Variants in PSMA8 observed in about 807,000 individuals in gnomAD.
PSMA8 encodes proteasome 20S subunit alpha 8.
PSMA8 carries 18 observed loss-of-function variants against 32.4 expected under a neutral mutation model. That is an observed-to-expected ratio of 0.56 (90% CI 0.38 to 0.82). PSMA8 has a LOEUF of 0.82. Among genes scored for constraint, PSMA8 ranks in the 40% least tolerant of loss-of-function variants. The probability of loss-of-function intolerance (pLI) is 0.00; values close to 1 mark genes in which losing one functional copy is unlikely to be tolerated. For missense variants in PSMA8, 298 were observed against 300.7 expected (o/e 0.99, Z 0.07); for synonymous variants, 104 against 98.1 (o/e 1.06, Z -0.36).
chr18:26,162,641 A>G (rs2055144698), intron 4 of PSMA8, among the ~76,000 whole-genome samples: 1 of 152,078 alleles, frequency 6.6e-6, no homozygotes, highest in African/African-American at 2.4e-5. Flanking sequence ...CGAGGTGGGC[A>G]GATCACAAGG....
intron 6 of PSMA8, among the ~76,000 whole-genome samples, chr18:26,190,884 G>A (rs1367233651): frequency 2.0e-5 from 3 of 152,132 alleles, no homozygotes; most frequent in Non-Finnish European, 4.4e-5. Flanking sequence ...ACTAAACTGT[G>A]GACTCCTTAA....
chr18:26,152,056 TAC>T (rs1162055259), intron 3 of PSMA8, 74 bp downstream of exon 3: 1 of 1,162,300 alleles, frequency 8.6e-7, no homozygotes, highest in African/African-American at 1.6e-5. Flanking sequence ...ATAGAAGTAC[TAC>T]AGTTACTCCA....
rs767457561 is a variant in PSMA8 at position 26,144,588 on chromosome 18, T to C, written c.132T>C (p.Val44=). 1.1e-5 allele frequency: 18 copies of C among 1,613,468 alleles called. No homozygotes were observed. The highest frequency in any genetic ancestry group is 1.5e-5 in the Non-Finnish European group (18 of 1,179,564). The change falls in exon 2 of 7, where the codon GTT becomes GTC. Residue 44 remains valine (V), a synonymous_variant. Transcript: ENST00000415576. ...GAATTCGAGGTACCAATATAGTTGT[T>C]CTTGGGGTAGAAAAAAAATCTGTTG... ...AVGIRGTNIV[V]LGVEKKSVAK...
intron 4 of PSMA8, chr18:26,170,874 C>G: frequency 6.4e-7 from 1 of 1,559,416 alleles, no homozygotes; most frequent in Non-Finnish European, 8.5e-7. Flanking sequence ...TTGCATGATC[C>G]TTGTCACAAA....
chr18:26,171,801 C>T (rs988483063), intron 4 of PSMA8, among the ~76,000 whole-genome samples: 20 of 152,158 alleles, frequency 1.3e-4, no homozygotes, highest in Non-Finnish European at 2.5e-4. Context: ...ACACTACTTA[C>T]ATACTAATAA....
intron 3 of PSMA8, 27 bp downstream of exon 3, chr18:26,152,009 T>C: frequency 7.0e-6 from 11 of 1,569,522 alleles, no homozygotes; most frequent in Non-Finnish European, 9.5e-6. Flanking sequence ...ACATACTTTG[T>C]TAAGCTTTCT....
chr18:26,156,673 T>A (rs1219701177), intron 3 of PSMA8, among the ~76,000 whole-genome samples: 1 of 142,568 alleles, frequency 7.0e-6, no homozygotes, highest in African/African-American at 2.5e-5. Flanking sequence ...TATAATAATG[T>A]GTGTGTATAT....
At position 26,187,352 on chromosome 18, in the gene PSMA8, A is replaced by C. The variant is rs149465323; in HGVS notation, c.661-4967A>C. ...ACAGAGCAAGAGTCTGCTTCAAAAA[A>C]AGTGAGGTCTGAGCAGTGGCTCACA... On this transcript the variant is annotated intron_variant, in intron 6 of 6. Coordinates refer to ENST00000415576, the MANE Select transcript of PSMA8 (RefSeq NM_001025096.2). Among the ~76,000 whole-genome samples, 105 of 152,264 alleles carry C rather than the reference A, an allele frequency of 6.9e-4. No individual in the cohort carries two copies. The East Asian group carries it at 0.014, about 20-fold the overall frequency.
intron 4 of PSMA8, 146 bp from the exon 5 acceptor site, chr18:26,178,684 T>C: frequency 1.5e-6 from 1 of 678,540 alleles, no homozygotes; most frequent in Non-Finnish European, 2.4e-6. Context: ...TACTGAAATG[T>C]TTGCTATGTT....
intron 6 of PSMA8, among the ~76,000 whole-genome samples, chr18:26,181,683 G>A (rs147178201): frequency 2.1e-4 from 32 of 152,350 alleles, no homozygotes; most frequent in Non-Finnish European, 4.3e-4. Context: ...AAGGGAACAC[G>A]TGAATGATAA....
intron 3 of PSMA8, among the ~76,000 whole-genome samples, chr18:26,157,753 C>T (rs1213294878): frequency 6.6e-6 from 1 of 152,006 alleles, no homozygotes; most frequent in East Asian, 1.9e-4. Flanking sequence ...CAAGGTAAGC[C>T]GAGGACATGT....
Position 26,138,010 on chromosome 18 carries a change from T to G in PSMA8, c.102+3943T>G, listed in dbSNP as rs1377889159. Among the ~76,000 whole-genome samples the G allele has an allele frequency of 3.9e-5, 6 of 152,190 alleles. No individual in the cohort carries two copies. In the East Asian group the frequency reaches 1.2e-3, roughly 29 times the overall value. ...AAAAGGACAGCTATGTTCTGTCAAC[T>G]GAAAGGCATTCAGAATTGTTGAAGC... On this transcript the variant is annotated intron_variant, in intron 1 of 6. Coordinates refer to ENST00000415576, the MANE Select transcript of PSMA8 (RefSeq NM_001025096.2).
rs772646755 is a variant in PSMA8, at chr18:26,144,635, C to G, written c.179C>G (p.Thr60Ser). The G allele has an allele frequency of 1.7e-5, 27 of 1,613,874 alleles. No individual in the cohort carries two copies. Among genetic ancestry groups the G allele is most frequent in the Admixed American group, 5.0e-5 (3 of 60,006 alleles). The change falls in exon 2 of 7, where the codon ACT (threonine) becomes AGT (serine). Residue 60 changes from threonine to serine, a missense_variant. By Grantham distance (58) the Thr-to-Ser change is moderately conservative. Coordinates refer to ENST00000415576, the MANE Select transcript of PSMA8 (RefSeq NM_001025096.2). ...GTTGCCAAGCTTCAAGATGAAAGAACTGTGAGGAAAATTTGTGCCCTTGAT... is the reference window on the plus strand; with the variant it reads ...GTTGCCAAGCTTCAAGATGAAAGAAGTGTGAGGAAAATTTGTGCCCTTGAT... Reference protein sequence around the residue: ...KSVAKLQDERTVRKICALDDH... With the variant: ...KSVAKLQDERSVRKICALDDH...
rs553142048 is a variant in PSMA8, at chr18:26,149,220, A to T, written c.230-2638A>T. On this transcript the variant is annotated intron_variant, in intron 2 of 6. Transcript: ENST00000415576. ...AACAATTCCATGTCAATAGCATCAA[A>T]AAGAATAAAATACTTATTGGGAATG... Among the ~76,000 whole-genome samples, 465 of 152,324 alleles carry T rather than the reference A, an allele frequency of 3.1e-3. 2 individuals carry two copies. The highest frequency in any genetic ancestry group is 0.011 in the African/African-American group (444 of 41,570).
chr18:26,138,445 A>C (rs1231117714), intron 1 of PSMA8, among the ~76,000 whole-genome samples: 1 of 152,186 alleles, frequency 6.6e-6, no homozygotes, highest in African/African-American at 2.4e-5. Flanking sequence ...TAGGAAAGTG[A>C]AAAGCCAATA....
At chr18:26,146,597 CA>C (rs11451070) in intron 2 of PSMA8, among the ~76,000 whole-genome samples, 1 of 151,634 alleles carries the variant, frequency 6.6e-6, no homozygotes, top group South Asian at 2.1e-4. Flanking sequence ...AACTTCATCT[CA>C]AAAAAAATAC....
intron 1 of PSMA8, among the ~76,000 whole-genome samples, chr18:26,139,294 G>A (rs2054935691): frequency 6.6e-6 from 1 of 152,192 alleles, no homozygotes; most frequent in East Asian, 1.9e-4. Context: ...TCAAAATCTA[G>A]TAGGGAACTG....
chr18:26,135,270 C>G (rs1035830133), intron 1 of PSMA8, among the ~76,000 whole-genome samples: 1 of 152,116 alleles, frequency 6.6e-6, no homozygotes, highest in South Asian at 2.1e-4. Context: ...CCTATGAATT[C>G]AAAGGATCGG....
rs28532508 is a variant in PSMA8, at chr18:26,186,457, T to C, written c.661-5862T>C. 4.1e-3 allele frequency among the ~76,000 whole-genome samples: 623 copies of C among 152,244 alleles called. 1 individual carries two copies. Among genetic ancestry groups the C allele is most frequent in the African/African-American group, 0.011 (463 of 41,556 alleles). The stretch of plus-strand genomic sequence containing the variant: ...AACACATAAGATATAAGAAATTTAC[T>C]GAGTAGTGTAAACCTTTATTATTTG... On this transcript the variant is annotated intron_variant, in intron 6 of 6. Transcript: ENST00000415576.
Sources: gnomAD v4.1 joint callset for allele counts (sites outside exome capture counted in the v4.1 genomes callset) on GRCh38, gnomAD v4.1.1 for gene constraint, MANE v1.5 for transcripts, NCBI Gene and HGNC (gene_info 2026-07-23, HGNC 2026-07-21) for gene names.